Variants in DLGAP2 observed in about 807,000 individuals in gnomAD.
DLGAP2 encodes DLG associated protein 2.
DLGAP2 carries 26 observed loss-of-function variants against 100.3 expected under a neutral mutation model. That is an observed-to-expected ratio of 0.26 (90% confidence interval 0.19 to 0.36). The LOEUF is 0.36. Among genes scored for constraint, DLGAP2 ranks in the 10% least tolerant of loss-of-function variants. The pLI, the probability that DLGAP2 is intolerant of heterozygous loss-of-function variation, is 1.00. For synonymous variants in DLGAP2, 886 were observed against 630.1 expected, an observed-to-expected ratio of 1.41 and a Z score of -6.08; for missense variants, 1,858 against 1,453.2, an observed-to-expected ratio of 1.28 and a Z score of -4.53.
chr8:865,144 C>G (rs1024921796), intron 1 of DLGAP2, among the ~76,000 whole-genome samples: 1 of 152,234 alleles, frequency 6.6e-6, no homozygotes, highest in South Asian at 2.1e-4. Context: ...CAGATCTCCA[C>G]AGGCTCACCT....
At chr8:1,322,772 TC>T (rs1163018937) in intron 3 of DLGAP2, among the ~76,000 whole-genome samples, 1 of 152,198 alleles carries the variant, frequency 6.6e-6, no homozygotes, top group Non-Finnish European at 1.5e-5. Flanking sequence ...GATCGGCTCC[TC>T]CCCCCTGCAT....
chr8:1,453,019 ACT>A (rs1449486586), intron 3 of DLGAP2, among the ~76,000 whole-genome samples: 1 of 152,194 alleles, frequency 6.6e-6, no homozygotes, highest in Non-Finnish European at 1.5e-5. Flanking sequence ...AGGAAGACAC[ACT>A]GAGTGCCATC....
At chr8:1,019,926 G>T (rs1464483396) in intron 2 of DLGAP2, among the ~76,000 whole-genome samples, 1 of 152,132 alleles carries the variant, frequency 6.6e-6, no homozygotes, top group Non-Finnish European at 1.5e-5. Context: ...TGCAGGGCGT[G>T]GGGAGGGACA....
intron 3 of DLGAP2, among the ~76,000 whole-genome samples, chr8:1,351,345 A>T (rs1195206320): frequency 1.3e-4 from 4 of 30,132 alleles, no homozygotes; most frequent in African/African-American, 4.1e-4. Flanking sequence ...TGAGTGTGGA[A>T]CGGCCGTGCG....
intron 10 of DLGAP2, among the ~76,000 whole-genome samples, chr8:1,671,193 C>G (rs1426249517): frequency 2.0e-5 from 3 of 152,238 alleles, no homozygotes; most frequent in Non-Finnish European, 4.4e-5. Context: ...CCTCTCTGCT[C>G]TGCTTCTCAA....
chr8:1,363,388 GCTGCCTCTC>G (rs1341895289), intron 3 of DLGAP2, among the ~76,000 whole-genome samples: 2 of 152,164 alleles, frequency 1.3e-5, no homozygotes, highest in Non-Finnish European at 2.9e-5. Context: ...CACACCTGCG[GCTGCCTCTC>G]CTGCCTCCAC....
intron 2 of DLGAP2, among the ~76,000 whole-genome samples, chr8:955,108 T>C (rs973669661): frequency 1.3e-5 from 2 of 151,998 alleles, no homozygotes; most frequent in Admixed American, 6.5e-5. Context: ...CCATGAGAGT[T>C]TGAAGGTTTG....
At chr8:1,414,540 C>T (rs564716536) in intron 3 of DLGAP2, among the ~76,000 whole-genome samples, 15 of 152,286 alleles carry the variant, frequency 9.8e-5, no homozygotes, top group Middle Eastern at 3.4e-3. Flanking sequence ...AGGGACTGAC[C>T]GGGCTGTGGG....
chr8:1,232,191 A>G (rs1798549650), intron 2 of DLGAP2, among the ~76,000 whole-genome samples: 1 of 152,200 alleles, frequency 6.6e-6, no homozygotes, highest in African/African-American at 2.4e-5. Flanking sequence ...CTGGAGAACA[A>G]ACTGTCACTT....
At chr8:1,622,859 G>A (rs1331062068) in intron 6 of DLGAP2, among the ~76,000 whole-genome samples, 2 of 152,188 alleles carry the variant, frequency 1.3e-5, no homozygotes, top group African/African-American at 4.8e-5. Context: ...CCGGGATGTA[G>A]GAGGGGGATT....
chr8:1,547,166 C>T (rs930984913), intron 4 of DLGAP2, among the ~76,000 whole-genome samples: 1 of 152,076 alleles, frequency 6.6e-6, no homozygotes. Flanking sequence ...ACGTGCGGAC[C>T]GTGGGGCAGA....
intron 2 of DLGAP2, among the ~76,000 whole-genome samples, chr8:935,053 A>T (rs1429307286): frequency 6.6e-6 from 1 of 152,226 alleles, no homozygotes; most frequent in Non-Finnish European, 1.5e-5. Context: ...ACCTCAGCCC[A>T]GCAGAACCGT....
chr8:1,123,826 G>A (rs910826916), intron 2 of DLGAP2, among the ~76,000 whole-genome samples: 1 of 152,000 alleles, frequency 6.6e-6, no homozygotes, highest in Admixed American at 6.5e-5. Flanking sequence ...TAATGTCAAG[G>A]ATTAACCTCA....
intron 3 of DLGAP2, among the ~76,000 whole-genome samples, chr8:1,278,461 A>G (rs749875124): frequency 3.3e-5 from 5 of 152,198 alleles, no homozygotes; most frequent in African/African-American, 4.8e-5. Flanking sequence ...GAATTCCAAT[A>G]CAATTAAATC....
At chr8:1,172,376 C>G (rs958942278) in intron 2 of DLGAP2, among the ~76,000 whole-genome samples, 3 of 151,484 alleles carry the variant, frequency 2.0e-5, no homozygotes, top group Non-Finnish European at 4.4e-5. Context: ...AGTTGCTCTT[C>G]TCGAGGAGTA....
At chr8:912,409 G>A (rs1348124685) in intron 2 of DLGAP2, among the ~76,000 whole-genome samples, 1 of 152,158 alleles carries the variant, frequency 6.6e-6, no homozygotes, top group East Asian at 1.9e-4. Context: ...CTGAAATCAG[G>A]TCCCCGCAGC....
In DLGAP2 at chr8:1,340,331, T is replaced by C. The variant is rs370601290; in HGVS notation, c.106+81448T>C. ...AGAATGGGAGAAAATTTTTGCAAAT[T>C]ATGCATCCCACAAAGGTCTAATATC... On this transcript the variant is annotated intron_variant, in intron 3 of 14. Coordinates refer to ENST00000637795, the MANE Select transcript of DLGAP2 (RefSeq NM_001346810.2). Among the ~76,000 whole-genome samples, 210 of 152,288 alleles carry C rather than the reference T, an allele frequency of 1.4e-3. 1 individual carries two copies. The highest frequency in any genetic ancestry group is 5.0e-3 in the African/African-American group (206 of 41,564).
intron 1 of DLGAP2, among the ~76,000 whole-genome samples, chr8:767,374 A>G (rs1052833374): frequency 2.2e-5 from 3 of 133,508 alleles, no homozygotes; most frequent in African/African-American, 5.6e-5. Context: ...TTTTTGAGAC[A>G]GAGTTTCGGT....
intron 3 of DLGAP2, among the ~76,000 whole-genome samples, chr8:1,495,992 C>T (rs1329898681): frequency 6.6e-6 from 1 of 152,144 alleles, no homozygotes; most frequent in Non-Finnish European, 1.5e-5. Flanking sequence ...TATTCCCAGG[C>T]AGTGACGTGG....
Sources: gnomAD v4.1 joint callset for allele counts (sites outside exome capture counted in the v4.1 genomes callset) on GRCh38, gnomAD v4.1.1 for gene constraint, MANE v1.5 for transcripts, NCBI Gene and HGNC (gene_info 2026-07-23, HGNC 2026-07-21) for gene names.